KPNA6: variants seen among roughly 807,000 people sequenced by gnomAD.
The protein encoded by KPNA6 is karyopherin subunit alpha 6, also known as importin subunit alpha-7.
A neutral mutation model predicts 72.0 loss-of-function variants in KPNA6; 9 were observed. That is an observed-to-expected ratio of 0.13 (90% CI 0.08 to 0.22). The LOEUF is 0.22. Ranked by LOEUF, KPNA6 falls within the 10% of genes least tolerant of loss-of-function variation. KPNA6 has a pLI of 1.00. For missense variants in KPNA6, 374 were observed against 655.7 expected (o/e 0.57, Z 4.69); for synonymous variants, 219 against 242.1 (o/e 0.90, Z 0.89).
At chr1:32,153,588 A>AAG (rs1470430038) in intron 1 of KPNA6, among the ~76,000 whole-genome samples, 1 of 148,288 alleles carries the variant, frequency 6.7e-6, no homozygotes, top group African/African-American at 2.5e-5. Flanking sequence ...AAAAAAAAAA[A>AAG]AAGAAGAAAA....
intron 1 of KPNA6, among the ~76,000 whole-genome samples, chr1:32,152,444 A>G (rs1258001777): frequency 6.6e-6 from 1 of 152,248 alleles, no homozygotes; most frequent in East Asian, 1.9e-4. Flanking sequence ...CACACATGGG[A>G]CACTTATGTA....
chr1:32,119,022 A>ATTT (rs1557457158), intron 1 of KPNA6, among the ~76,000 whole-genome samples: 1 of 75,524 alleles, frequency 1.3e-5, no homozygotes, highest in East Asian at 4.0e-4. Flanking sequence ...ATATATATAT[A>ATTT]TATATATATA....
At chr1:32,167,863 A>C (rs527527402) in intron 12 of KPNA6, among the ~76,000 whole-genome samples, 44 of 148,578 alleles carry the variant, frequency 3.0e-4, no homozygotes, top group East Asian at 7.8e-4. Flanking sequence ...CAAAAAAAAA[A>C]AAAAACAAAA....
rs1207885478 is a variant in KPNA6, at chr1:32,167,163, T to C, written c.1117-6T>C. Reference sequence around the variant, plus strand: ...TTCCATCTGCCTCCTCTCAATTCTCTCTCAGGCTGTTATAGATGCAAATAT... The same window carrying C: ...TTCCATCTGCCTCCTCTCAATTCTCCCTCAGGCTGTTATAGATGCAAATAT... On this transcript the variant is annotated splice_polypyrimidine_tract_variant and splice_region_variant and intron_variant, in intron 11 of 13. Coordinates refer to ENST00000373625, the MANE Select transcript of KPNA6 (RefSeq NM_012316.5). The C allele has an allele frequency of 6.2e-7, 1 of 1,613,672 alleles. No homozygotes were observed. The highest frequency in any genetic ancestry group is 1.1e-5 in the South Asian group (1 of 91,060).
chr1:32,142,255 C>CAA lies in KPNA6; in HGVS notation c.5-12308_5-12307dup, dbSNP rs763008502. Among the ~76,000 whole-genome samples, 135 of 55,252 alleles carry CAA rather than the reference C, an allele frequency of 2.4e-3. 1 individual carries two copies. The highest frequency in any genetic ancestry group is 3.3e-3 in the African/African-American group (46 of 13,948). 36.2% of individuals were successfully genotyped at this position (55,252 alleles called of 152,430 possible). A position where few individuals can be genotyped will look rare whatever the true frequency, so the allele number is the denominator to read the frequency against. ...TGGGTGACAGAGCGAGACCCTGTCT[C>CAA]AAAAAAAAAAAAAAAAAAAAAAAAA... On this transcript the variant is annotated intron_variant, in intron 1 of 13. Transcript: ENST00000373625.
rs199665503 is a variant in KPNA6 at position 32,108,082 on chromosome 1, A to G, written c.-49A>G. The G allele has an allele frequency of 2.5e-6, 4 of 1,613,830 alleles. No individual in the cohort carries two copies. Among genetic ancestry groups the G allele is most frequent in the African/African-American group, 1.3e-5 (1 of 75,068 alleles). On this transcript the variant is annotated 5_prime_UTR_variant, in exon 1 of 14. Transcript: ENST00000373625. Reference sequence around the variant, plus strand: ...TATTGTCTACTGAAAGCTGCCGCTGAAGCTGCCGCCGTTGCCTCCGCCGCC... The same window carrying G: ...TATTGTCTACTGAAAGCTGCCGCTGGAGCTGCCGCCGTTGCCTCCGCCGCC...
intron 1 of KPNA6, among the ~76,000 whole-genome samples, chr1:32,119,057 A>G: frequency 9.7e-6 from 1 of 103,118 alleles, no homozygotes; most frequent in Non-Finnish European, 1.8e-5. Context: ...TTTGAGAGAG[A>G]GTCTCACTTT....
chr1:32,123,739 T>TAAAA lies in KPNA6; in HGVS notation c.4+15621_4+15624dup, dbSNP rs56952347. ...TGGGTGACAGAGTGAGACCCTGTCTTAAAAAAAAAAAAAAAAAAAGGCCAA... is the reference window on the plus strand; with the variant it reads ...TGGGTGACAGAGTGAGACCCTGTCTTAAAAAAAAAAAAAAAAAAAAAAAGGCCAA... On this transcript the variant is annotated intron_variant, in intron 1 of 13. Coordinates refer to ENST00000373625, the MANE Select transcript of KPNA6 (RefSeq NM_012316.5). 4.2e-3 allele frequency among the ~76,000 whole-genome samples: 420 copies of TAAAA among 99,894 alleles called. 4 individuals carry two copies. Among genetic ancestry groups the TAAAA allele is most frequent in the African/African-American group, 0.015 (375 of 25,700 alleles). The allele number at this position is 99,894 out of a possible 152,430, so 65.5% of individuals were successfully genotyped here.
chr1:32,124,842 C>A (rs571384440), intron 1 of KPNA6, among the ~76,000 whole-genome samples: 1 of 150,468 alleles, frequency 6.6e-6, no homozygotes, highest in Non-Finnish European at 1.5e-5. Context: ...TTGCGTTTAA[C>A]TTATTTATTT....
chr1:32,168,509 C>T (rs1642378645), intron 12 of KPNA6, among the ~76,000 whole-genome samples: 2 of 152,192 alleles, frequency 1.3e-5, no homozygotes, highest in Admixed American at 1.3e-4. Context: ...TTTTAGTTTA[C>T]ATTATCTGAA....
At position 32,149,700 on chromosome 1, in the gene KPNA6, A is replaced by G. The variant is rs193138982; in HGVS notation, c.5-4888A>G. ...GATATCCGAGTTTCCATCTGGTATC[A>G]TTTTCCTTCTACTTGAAGACTTTTA... On this transcript the variant is annotated intron_variant, in intron 1 of 13. Transcript: ENST00000373625. Among the ~76,000 whole-genome samples, 394 of 152,202 alleles carry G rather than the reference A, an allele frequency of 2.6e-3. 1 individual carries two copies. The highest frequency in any genetic ancestry group is 9.3e-3 in the African/African-American group (385 of 41,534).
Position 32,173,296 on chromosome 1 carries a change from GA to G in KPNA6, c.*2403del, listed in dbSNP as rs1440460926. On this transcript the variant is annotated 3_prime_UTR_variant, in exon 14 of 14. Coordinates refer to ENST00000373625, the MANE Select transcript of KPNA6 (RefSeq NM_012316.5). The stretch of plus-strand genomic sequence containing the variant: ...GTAAGAGTTAAGTCCCTGATACAGG[GA>G]CCAGTTTCTTAGTGTAAGACATACA... 2 of 391,292 alleles carry G rather than the reference GA, an allele frequency of 5.1e-6. No homozygotes were observed. Among genetic ancestry groups the G allele is most frequent in the Non-Finnish European group, 9.0e-6 (2 of 222,166 alleles). The allele number at this position is 391,292 out of a possible 1,614,324, so 24.2% of individuals were successfully genotyped here. A position where few individuals can be genotyped will look rare whatever the true frequency, so the allele number is the denominator to read the frequency against.
chr1:32,129,015 G>C (rs553276869), intron 1 of KPNA6, among the ~76,000 whole-genome samples: 1 of 152,208 alleles, frequency 6.6e-6, no homozygotes, highest in Admixed American at 6.5e-5. Context: ...AATTAGATCT[G>C]TCTTTGTAGC....
At chr1:32,149,681 C>T (rs1383264218) in intron 1 of KPNA6, among the ~76,000 whole-genome samples, 6 of 151,844 alleles carry the variant, frequency 4.0e-5, no homozygotes, top group Non-Finnish European at 7.4e-5. Flanking sequence ...TGTGGATATC[C>T]GAGTTTCCAT....
chr1:32,120,233 T>A (rs1036324314), intron 1 of KPNA6, among the ~76,000 whole-genome samples: 1 of 152,034 alleles, frequency 6.6e-6, no homozygotes, highest in Non-Finnish European at 1.5e-5. Flanking sequence ...TTATATGTAT[T>A]TTTTTAAATG....
rs1188325674 is a variant in KPNA6, at chr1:32,164,688, A to ATTT, written c.990+1389_990+1391dup. 4.8e-4 allele frequency among the ~76,000 whole-genome samples: 57 copies of ATTT among 118,452 alleles called. 1 individual carries two copies. The highest frequency in any genetic ancestry group is 1.6e-3 in the African/African-American group (52 of 32,002). 77.7% of individuals were successfully genotyped at this position (118,452 alleles called of 152,430 possible). On this transcript the variant is annotated intron_variant, in intron 10 of 13. Coordinates refer to ENST00000373625, the MANE Select transcript of KPNA6 (RefSeq NM_012316.5). ...TCATATGCTTATTGGCCATCTGTGT[A>ATTT]TTTTTTTTTTTTTTTTGGACACATG...
At chr1:32,152,141 C>G (rs549660528) in intron 1 of KPNA6, among the ~76,000 whole-genome samples, 88 of 151,696 alleles carry the variant, frequency 5.8e-4, no homozygotes, top group Non-Finnish European at 2.2e-4. Flanking sequence ...CCAGCCTAGA[C>G]GATATAGTGA....
At chr1:32,121,379 T>C (rs1641430712) in intron 1 of KPNA6, among the ~76,000 whole-genome samples, 1 of 152,314 alleles carries the variant, frequency 6.6e-6, no homozygotes, top group East Asian at 1.9e-4. Flanking sequence ...ATAGTGATGC[T>C]GAATTTAAAT....
chr1:32,162,302 G>A lies in KPNA6; in HGVS notation c.748-59G>A, dbSNP rs571356448. 54 of 1,478,540 alleles carry A rather than the reference G, an allele frequency of 3.7e-5. No individual in the cohort carries two copies. The South Asian group carries it at 3.8e-4, about 11-fold the overall frequency. 91.6% of individuals were successfully genotyped at this position (1,478,540 alleles called of 1,614,324 possible). A position where few individuals can be genotyped will look rare whatever the true frequency, so the allele number is the denominator to read the frequency against. On this transcript the variant is annotated intron_variant, in intron 8 of 13. Coordinates refer to ENST00000373625, the MANE Select transcript of KPNA6 (RefSeq NM_012316.5). ...GGCGGTGGTTGCAATGTTAGGGTTC[G>A]TGATAGAGCTGATATAGTCTTGTTC... is the stretch of plus-strand genomic sequence containing the variant.
Sources: gnomAD v4.1 joint callset for allele counts (sites outside exome capture counted in the v4.1 genomes callset) on GRCh38, gnomAD v4.1.1 for gene constraint, MANE v1.5 for transcripts, NCBI Gene and HGNC (gene_info 2026-07-23, HGNC 2026-07-21) for gene names.